Variants in LRRC49 observed in about 807,000 individuals in gnomAD.
LRRC49 encodes leucine-rich repeat-containing protein 49.
A neutral mutation model predicts 83.3 loss-of-function variants in LRRC49; 50 were observed. The ratio of observed to expected loss-of-function variants is 0.60; its 90% CI spans 0.48 to 0.76. The LOEUF (loss-of-function observed/expected upper bound fraction) is 0.76. LRRC49 is among the 30% of genes least tolerant of loss of function. The pLI, the probability that LRRC49 is intolerant of heterozygous loss-of-function variation, is 0.00. For missense variants in LRRC49, 704 were observed against 809.1 expected, an observed-to-expected ratio of 0.87 and a Z score of 1.58; for synonymous variants, 286 against 283.3, an observed-to-expected ratio of 1.01 and a Z score of -0.10.
At chr15:70,859,626 C>T (rs770302707) in intron 1 of LRRC49, 1 of 640,550 alleles carries the variant, frequency 1.6e-6, no homozygotes, top group Non-Finnish European at 3.0e-6. Flanking sequence ...CCTATAAAGA[C>T]TGAGATCTCC....
intron 8 of LRRC49, among the ~76,000 whole-genome samples, chr15:70,937,294 A>G (rs2035632214): frequency 6.6e-6 from 1 of 152,224 alleles, no homozygotes; most frequent in Non-Finnish European, 1.5e-5. Context: ...TAATGCTGCT[A>G]AGAGACAGTG....
intron 15 of LRRC49, 96 bp downstream of exon 15, chr15:71,037,428 C>T: frequency 2.0e-6 from 2 of 1,020,584 alleles, no homozygotes; most frequent in East Asian, 5.2e-5. Flanking sequence ...GTTAAGATAA[C>T]TTTTTTGTTC....
chr15:70,887,487 A>G (rs1221657690), upstream of LRRC49, among the ~76,000 whole-genome samples: 1 of 152,162 alleles, frequency 6.6e-6, no homozygotes, highest in Non-Finnish European at 1.5e-5. Flanking sequence ...AATCAATATA[A>G]TTTACTATAT....
At chr15:70,858,979 C>A in intron 1 of LRRC49, 1 of 870,034 alleles carries the variant, frequency 1.1e-6, no homozygotes, top group Non-Finnish European at 2.0e-6. Context: ...GCTCTACACA[C>A]CCAAAGAAGG....
chr15:71,003,246 TC>T (rs2038331047), intron 11 of LRRC49, among the ~76,000 whole-genome samples: 2 of 152,160 alleles, frequency 1.3e-5, no homozygotes, highest in South Asian at 4.1e-4. Flanking sequence ...CCTGACTTAT[TC>T]TTATGTAAAG....
intron 7 of LRRC49, among the ~76,000 whole-genome samples, chr15:70,934,655 C>G (rs1373655366): frequency 6.6e-6 from 1 of 152,102 alleles, no homozygotes; most frequent in African/African-American, 2.4e-5. Flanking sequence ...TTTGAGTTTT[C>G]TATTTTTATT....
chr15:70,907,731 C>G, intron 5 of LRRC49: 1 of 298,884 alleles, frequency 3.3e-6, no homozygotes, highest in Non-Finnish European at 6.8e-6. Flanking sequence ...ATGTGGCCTG[C>G]GGAGACAGGC....
intron 8 of LRRC49, among the ~76,000 whole-genome samples, chr15:70,959,594 GAA>G (rs1474261008): frequency 1.9e-4 from 24 of 125,924 alleles, no homozygotes; most frequent in Admixed American, 3.3e-4. Context: ...AGGAAGGAAG[GAA>G]GGAAGGGAGG....
intron 7 of LRRC49, among the ~76,000 whole-genome samples, chr15:70,933,902 G>T (rs2035504784): frequency 6.6e-6 from 1 of 152,060 alleles, no homozygotes; most frequent in Admixed American, 6.6e-5. Context: ...CTCAATTTAG[G>T]GCTTGTTTAA....
intron 8 of LRRC49, among the ~76,000 whole-genome samples, chr15:70,948,220 G>T (rs2036080982): frequency 6.6e-6 from 1 of 151,804 alleles, no homozygotes; most frequent in Non-Finnish European, 1.5e-5. Context: ...TCCACAGCAT[G>T]GTTCTCCTGT....
At chr15:70,895,990 AGTGT>A in intron 3 of LRRC49, 54 bp downstream of exon 3, 1 of 1,044,152 alleles carries the variant, frequency 9.6e-7, no homozygotes, top group Non-Finnish European at 1.4e-6. Context: ...AATAATATTA[AGTGT>A]TTAATAATGT....
chr15:71,013,947 T>C (rs2038743527), intron 14 of LRRC49, among the ~76,000 whole-genome samples: 1 of 152,076 alleles, frequency 6.6e-6, no homozygotes, highest in African/African-American at 2.4e-5. Context: ...ATCAGGAAGT[T>C]CCCTACTCTG....
At chr15:70,976,856 G>T in intron 9 of LRRC49, among the ~76,000 whole-genome samples, 1 of 151,878 alleles carries the variant, frequency 6.6e-6, no homozygotes, top group Non-Finnish European at 1.5e-5. Context: ...TTTTTTCTAA[G>T]TTTAGTTACT....
intron 10 of LRRC49, 144 bp downstream of exon 10, chr15:70,980,328 CTT>C (rs752366436): frequency 1.0e-5 from 5 of 479,546 alleles, no homozygotes; most frequent in Non-Finnish European, 1.9e-5. Context: ...ACCCCTAAAA[CTT>C]TTACAAGTTA....
chr15:70,994,865 G>A (rs2038022979), intron 11 of LRRC49, among the ~76,000 whole-genome samples: 1 of 152,188 alleles, frequency 6.6e-6, no homozygotes. Flanking sequence ...ATTAATTTCA[G>A]AAGAATTAAC....
At chr15:71,037,879 G>A (rs1223614281) in intron 15 of LRRC49, among the ~76,000 whole-genome samples, 1 of 152,072 alleles carries the variant, frequency 6.6e-6, no homozygotes, top group Non-Finnish European at 1.5e-5. Flanking sequence ...TGTTTTATGT[G>A]GTCAGAGGTT....
chr15:70,893,628 T>C lies in LRRC49; in HGVS notation c.93T>C (p.Pro31=). 6.2e-7 allele frequency: 1 copy of C among 1,609,956 alleles called. No individual in the cohort carries two copies. The highest frequency in any genetic ancestry group is 8.5e-7 in the Non-Finnish European group (1 of 1,177,912). Residue 31 remains proline, a synonymous_variant, in exon 2 of 16, where the codon CCT becomes CCC. Transcript: ENST00000260382. ...TGGTTATTCAAACATCATCGCTTCC[T>C]GAAAAAAACAAAGTAAGATTTAAGA... ...LHLVIQTSSL[P]EKNKVEFKLN... is the part of the protein sequence containing the mutation.
At position 71,025,282 on chromosome 15, in the gene LRRC49, T is replaced by C. The variant is rs2039127922; in HGVS notation, c.1704-11897T>C. Reference sequence around the variant, plus strand: ...AAGATTGAAATGAAGGAAAAAATGTTAAGGGCAGCCAGAGAGAAAAGCCAG... The same window carrying C: ...AAGATTGAAATGAAGGAAAAAATGTCAAGGGCAGCCAGAGAGAAAAGCCAG... On this transcript the variant is annotated intron_variant, in intron 14 of 15. Transcript: ENST00000260382. 2.0e-5 allele frequency among the ~76,000 whole-genome samples: 3 copies of C among 152,084 alleles called. No individual in the cohort carries two copies. In the South Asian group the frequency reaches 6.2e-4, roughly 32 times the overall value.
intron 6 of LRRC49, among the ~76,000 whole-genome samples, chr15:70,916,238 C>T (rs2034767581): frequency 6.6e-6 from 1 of 152,080 alleles, no homozygotes; most frequent in African/African-American, 2.4e-5. Flanking sequence ...TTTACTTACC[C>T]TCTCCTTAGT....
Sources: gnomAD v4.1 joint callset for allele counts (sites outside exome capture counted in the v4.1 genomes callset) on GRCh38, gnomAD v4.1.1 for gene constraint, MANE v1.5 for transcripts, NCBI Gene and HGNC (gene_info 2026-07-23, HGNC 2026-07-21) for gene names.